The following ABCA12 variants were observed in gnomAD, a reference collection of about 807,000 sequenced individuals.
ABCA12 encodes ATP binding cassette subfamily A member 12.
ABCA12 carries 156 observed loss-of-function variants against 293.5 expected under a neutral mutation model. The observed-to-expected ratio is 0.53, with a 90% CI of 0.47 to 0.61. The LOEUF (loss-of-function observed/expected upper bound fraction) is 0.61. Ranked by LOEUF, ABCA12 falls within the 20% of genes least tolerant of loss-of-function variation. ABCA12 has a pLI of 0.00. For synonymous variants in ABCA12, 1,063 were observed against 1,108.0 expected (o/e 0.96, Z 0.81); for missense variants, 2,797 against 3,090.2 (o/e 0.91, Z 2.25).
intron 7 of ABCA12, among the ~76,000 whole-genome samples, chr2:215,041,981 C>T (rs922872330): frequency 6.6e-6 from 1 of 152,058 alleles, no homozygotes; most frequent in African/African-American, 2.4e-5. Context: ...AGTTAAATTC[C>T]TAGAATCAAA....
At chr2:215,077,785 T>C (rs147536470) in intron 2 of ABCA12, among the ~76,000 whole-genome samples, 3,069 of 152,348 alleles carry the variant, frequency 0.02, 69 homozygotes, top group Non-Finnish European at 0.029. Context: ...CGATGAATGC[T>C]GTGCTCTCAT....
chr2:215,044,918 C>G (rs994845073), intron 7 of ABCA12, among the ~76,000 whole-genome samples: 1 of 152,048 alleles, frequency 6.6e-6, no homozygotes, highest in Non-Finnish European at 1.5e-5. Flanking sequence ...CTACATCATG[C>G]TATTAGTGAC....
chr2:215,037,750 A>C (rs759244198), intron 7 of ABCA12, among the ~76,000 whole-genome samples: 5 of 152,208 alleles, frequency 3.3e-5, no homozygotes, highest in Non-Finnish European at 7.4e-5. Context: ...GGAAAACGCA[A>C]TTAGTTTCTC....
rs751296785 is a variant in ABCA12, at chr2:215,001,033, T to C, written c.2864-13A>G. 5 of 1,613,122 alleles carry C rather than the reference T, an allele frequency of 3.1e-6. No homozygotes were observed. The highest frequency in any genetic ancestry group is 2.2e-5 in the East Asian group (1 of 44,878). ...TTAAAAATAACACCTAAAAATAAAA[T>C]GGCAACAACAGCAGAAAGGTTATTT... On this transcript the variant is annotated splice_polypyrimidine_tract_variant and intron_variant, in intron 21 of 52. Transcript: ENST00000272895.
chr2:215,049,271 G>A (rs1209267074), intron 6 of ABCA12, among the ~76,000 whole-genome samples: 1 of 152,150 alleles, frequency 6.6e-6, no homozygotes, highest in Non-Finnish European at 1.5e-5. Flanking sequence ...GCAGTTATAT[G>A]ACTGTGACAG....
At chr2:215,080,945 T>G (rs933812265) in intron 2 of ABCA12, 2 of 152,216 alleles carry the variant, frequency 1.3e-5, no homozygotes. Flanking sequence ...TTATTTTAAA[T>G]CTTTTCTCAA....
At position 215,121,972 on chromosome 2, in the gene ABCA12, T is replaced by A. The variant is rs568669256; in HGVS notation, c.70-10282A>T. Among the ~76,000 whole-genome samples, 5 of 152,322 alleles carry A rather than the reference T, an allele frequency of 3.3e-5. No individual in the cohort carries two copies. The South Asian group carries it at 1.0e-3, about 32-fold the overall frequency. ...TTCAGGTATGTCTTTATTAGCAGCA[T>A]GAGGACAGACTAATACACTGGTGTG... On this transcript the variant is annotated intron_variant, in intron 1 of 52. Transcript: ENST00000272895.
In ABCA12 at chr2:215,112,644, C is replaced by T. The variant is rs555933977; in HGVS notation, c.70-954G>A. On this transcript the variant is annotated intron_variant, in intron 1 of 52. Coordinates refer to ENST00000272895, the MANE Select transcript of ABCA12 (RefSeq NM_173076.3). The stretch of plus-strand genomic sequence containing the variant: ...TCCCGAGTAGCTAGGATTACAGGCA[C>T]CCGCCACCACGCCTGGCTAATTTTT... 3.3e-4 allele frequency among the ~76,000 whole-genome samples: 50 copies of T among 151,742 alleles called. 1 individual carries two copies. Among genetic ancestry groups the T allele is most frequent in the Non-Finnish European group, 6.2e-4 (42 of 67,946 alleles).
chr2:214,948,989 T>C, intron 46 of ABCA12, 51 bp downstream of exon 46: 1 of 1,450,082 alleles, frequency 6.9e-7, no homozygotes, highest in Non-Finnish European at 9.7e-7. Context: ...CAATTATTTT[T>C]CTCATTTAAG....
chr2:215,105,577 A>G (rs1440966282), intron 2 of ABCA12, among the ~76,000 whole-genome samples: 2 of 135,588 alleles, frequency 1.5e-5, no homozygotes, highest in Non-Finnish European at 3.0e-5. Flanking sequence ...TAGGGCTTCA[A>G]GACACACACA....
chr2:214,950,963 A>C lies in ABCA12; in HGVS notation c.6768T>G (p.Leu2256=). Residue 2256 remains leucine, a synonymous_variant, in exon 45 of 53, where the codon CTT becomes CTG. Coordinates refer to ENST00000272895, the MANE Select transcript of ABCA12 (RefSeq NM_173076.3). ...GTTGGTAGGTCTTTGTGAGACAATA[A>C]AGTTGGACCAAGTCAAATTCAGCTG... The part of the protein sequence containing the change: ...SGAAEFDLVQ[L]YCLTKTYQLI... The C allele has an allele frequency of 6.2e-7, 1 of 1,614,130 alleles. No homozygotes were observed. Among genetic ancestry groups the C allele is most frequent in the Non-Finnish European group, 8.5e-7 (1 of 1,180,022 alleles).
chr2:214,989,127 C>A (rs546193214), intron 26 of ABCA12, among the ~76,000 whole-genome samples: 1 of 132,514 alleles, frequency 7.5e-6, no homozygotes, highest in Non-Finnish European at 1.6e-5. Context: ...TGCAGTGAGC[C>A]GAGATCACGC....
chr2:215,048,684 C>G (rs114139199), intron 6 of ABCA12, among the ~76,000 whole-genome samples: 5,307 of 152,138 alleles, frequency 0.035, 291 homozygotes, highest in African/African-American at 0.12. Context: ...GCCTGAGTGA[C>G]AGAGTGAAGC....
intron 2 of ABCA12, among the ~76,000 whole-genome samples, chr2:215,111,052 G>C (rs559424633): frequency 6.6e-6 from 1 of 152,128 alleles, no homozygotes; most frequent in Non-Finnish European, 1.5e-5. Context: ...ACGGAGTGTC[G>C]GGCATTCTGC....
chr2:215,078,037 C>G (rs992855618), intron 2 of ABCA12, among the ~76,000 whole-genome samples: 1 of 152,184 alleles, frequency 6.6e-6, no homozygotes, highest in Non-Finnish European at 1.5e-5. Flanking sequence ...ACGTTTGCTG[C>G]CTGTGCAGTC....
intron 1 of ABCA12, among the ~76,000 whole-genome samples, chr2:215,129,610 G>A (rs796896629): frequency 2.0e-5 from 3 of 152,094 alleles, no homozygotes; most frequent in East Asian, 3.9e-4. Flanking sequence ...GTTTGAGTTC[G>A]TTATAGATTC....
intron 3 of ABCA12, among the ~76,000 whole-genome samples, chr2:215,057,612 A>G (rs1411943069): frequency 6.6e-6 from 1 of 152,032 alleles, no homozygotes; most frequent in African/African-American, 2.4e-5. Context: ...TGTTTATGAG[A>G]TAAATATTCC....
chr2:215,076,541 G>A (rs972011411), intron 2 of ABCA12, among the ~76,000 whole-genome samples: 2 of 152,134 alleles, frequency 1.3e-5, no homozygotes, highest in African/African-American at 4.8e-5. Flanking sequence ...GGAGGAATGG[G>A]AACTCTCATC....
chr2:215,007,855 C>G lies in ABCA12; in HGVS notation c.2473-9G>C. 2 of 1,613,630 alleles carry G rather than the reference C, an allele frequency of 1.2e-6. No individual in the cohort carries two copies. The highest frequency in any genetic ancestry group is 1.7e-6 in the Non-Finnish European group (2 of 1,179,796). ...CTCAGAGTTACATTGGACTTAATGACAAAGAAACAAAAGAAGTGTGATCCA... is the reference window on the plus strand; with the variant it reads ...CTCAGAGTTACATTGGACTTAATGAGAAAGAAACAAAAGAAGTGTGATCCA... On this transcript the variant is annotated splice_polypyrimidine_tract_variant and intron_variant, in intron 18 of 52. Coordinates refer to ENST00000272895, the MANE Select transcript of ABCA12 (RefSeq NM_173076.3).
Sources: gnomAD v4.1 joint callset for allele counts (sites outside exome capture counted in the v4.1 genomes callset) on GRCh38, gnomAD v4.1.1 for gene constraint, MANE v1.5 for transcripts, NCBI Gene and HGNC (gene_info 2026-07-23, HGNC 2026-07-21) for gene names.